The following CFAP47 variants were observed in gnomAD, a reference collection of about 807,000 sequenced individuals.
CFAP47 encodes cilia- and flagella-associated protein 47.
A neutral mutation model predicts 148.1 loss-of-function variants in CFAP47; 29 were observed. That is an observed-to-expected ratio of 0.20 (90% CI 0.15 to 0.27). The LOEUF (loss-of-function observed/expected upper bound fraction) is 0.27. Among genes scored for constraint, CFAP47 ranks in the 10% least tolerant of loss-of-function variants. The pLI is 1.00. For synonymous variants in CFAP47, 664 were observed against 577.3 expected (o/e 1.15, Z -2.15); for missense variants, 1,872 against 1,697.5 (o/e 1.10, Z -1.81).
intron 2 of CFAP47, among the ~76,000 whole-genome samples, chrX:35,934,571 A>G (rs1297205792): frequency 9.0e-6 from 1 of 110,710 alleles, no homozygotes; most frequent in East Asian, 2.9e-4. Flanking sequence ...CCAAGCTGAT[A>G]CCTAAGGTAC....
At chrX:35,928,011 A>G (rs1273065382) in intron 2 of CFAP47, among the ~76,000 whole-genome samples, 1 of 106,479 alleles carries the variant, frequency 9.4e-6, no homozygotes, top group Non-Finnish European at 1.9e-5. Flanking sequence ...ATATATATAT[A>G]TATGTATATA....
intron 2 of CFAP47, among the ~76,000 whole-genome samples, chrX:35,930,896 A>G (rs1935816816): frequency 9.0e-6 from 1 of 111,573 alleles, no homozygotes; most frequent in Admixed American, 9.6e-5. Context: ...TCAGCTTTCT[A>G]TCGTTGACTT....
chrX:36,031,265 C>T lies in CFAP47; in HGVS notation c.3569C>T (p.Pro1190Leu). The change falls in exon 23 of 64, where the codon CCA becomes CTA. Residue 1190 changes from proline (P) to leucine (L), a missense_variant. Physicochemically the swap from Pro to Leu is moderately conservative, Grantham distance 98. Coordinates refer to ENST00000378653, the MANE Select transcript of CFAP47 (RefSeq NM_001304548.2). ...CYVQATALQS[P>L]LNLSSTKFVF... ...GTTCCTCTCACAGCATTGCAATCAC[C>T]ATTGAACTTATCTAGTACTAAGTTT... The T allele has an allele frequency of 3.4e-6, 1 of 291,799 alleles. No individual in the cohort carries two copies. The highest frequency in any genetic ancestry group is 6.0e-6 in the Non-Finnish European group (1 of 166,335). 24.0% of individuals were successfully genotyped at this position (291,799 alleles called of 1,213,427 possible).
chrX:36,042,148 A>T (rs1375764822), intron 25 of CFAP47, among the ~76,000 whole-genome samples: 1 of 111,003 alleles, frequency 9.0e-6, no homozygotes, highest in Non-Finnish European at 1.9e-5. Context: ...AATAAAATAG[A>T]TATTCTTTAA....
chrX:36,353,507 T>A (rs1443099518), intron 59 of CFAP47, 22 bp from the exon 60 acceptor site: 1 of 1,149,830 alleles, frequency 8.7e-7, no homozygotes, highest in African/African-American at 1.8e-5. Context: ...TCAAGTTAAC[T>A]GGAAATATTT....
intron 56 of CFAP47, among the ~76,000 whole-genome samples, chrX:36,317,370 G>A (rs60270668): frequency 0.041 from 4,498 of 110,028 alleles, 219 homozygotes; most frequent in African/African-American, 0.14. Context: ...AGACTTTTTG[G>A]CAGGGAAGTT....
chrX:36,360,959 T>C (rs1220291573), intron 60 of CFAP47, among the ~76,000 whole-genome samples: 2 of 111,999 alleles, frequency 1.8e-5, no homozygotes, highest in Non-Finnish European at 3.8e-5. Context: ...AAGTTTTAAG[T>C]CTATAGGTTT....
chrX:36,299,741 A>G (rs1941279905), intron 52 of CFAP47, among the ~76,000 whole-genome samples: 1 of 111,630 alleles, frequency 9.0e-6, no homozygotes, highest in African/African-American at 3.3e-5. Context: ...AATTCTGCAT[A>G]TAAGTGAAAT....
At chrX:36,285,798 T>A (rs1941126334) in intron 51 of CFAP47, 72 bp downstream of exon 51, 7 of 766,593 alleles carry the variant, frequency 9.1e-6, no homozygotes, top group African/African-American at 2.2e-5. Flanking sequence ...TATAGTAAAT[T>A]ATTTACTATC....
At chrX:36,207,746 A>T (rs1417165480) in intron 45 of CFAP47, among the ~76,000 whole-genome samples, 1 of 110,833 alleles carries the variant, frequency 9.0e-6, no homozygotes, top group Non-Finnish European at 1.9e-5. Flanking sequence ...TTGACTTACA[A>T]TCCCTTCTAC....
At chrX:35,989,751 G>T (rs1936765358) in intron 16 of CFAP47, 2 of 375,804 alleles carry the variant, frequency 5.3e-6, no homozygotes, top group Non-Finnish European at 8.4e-6. Flanking sequence ...GTACAGTCCA[G>T]AGGGCCTTAA....
chrX:36,096,236 T>C (rs1240441992), intron 30 of CFAP47, among the ~76,000 whole-genome samples: 2 of 111,632 alleles, frequency 1.8e-5, no homozygotes, highest in East Asian at 2.8e-4. Flanking sequence ...TTATATATAA[T>C]TGAATGTTTT....
intron 60 of CFAP47, among the ~76,000 whole-genome samples, chrX:36,359,787 G>A (rs1941813449): frequency 9.0e-6 from 1 of 111,116 alleles, no homozygotes; most frequent in Non-Finnish European, 1.9e-5. Context: ...ATCTCGCTCT[G>A]TCACCCAGGC....
chrX:36,070,167 A>G (rs887460498), intron 27 of CFAP47, among the ~76,000 whole-genome samples: 4 of 112,237 alleles, frequency 3.6e-5, no homozygotes, highest in Non-Finnish European at 5.6e-5. Context: ...AACTTAGCAT[A>G]TAATAGCTCA....
At chrX:36,175,786 T>C (rs888227879) in intron 39 of CFAP47, among the ~76,000 whole-genome samples, 3 of 113,339 alleles carry the variant, frequency 2.6e-5, no homozygotes, top group African/African-American at 9.6e-5. Flanking sequence ...AGGTGGAGCC[T>C]ACAGAGGCAG....
intron 3 of CFAP47, among the ~76,000 whole-genome samples, chrX:35,948,079 A>G (rs770214762): frequency 8.9e-6 from 1 of 111,878 alleles, no homozygotes; most frequent in South Asian, 3.7e-4. Context: ...CAAATACACT[A>G]ACACTAATGA....
At chrX:36,024,689 T>C (rs916426022) in intron 22 of CFAP47, among the ~76,000 whole-genome samples, 1 of 111,239 alleles carries the variant, frequency 9.0e-6, no homozygotes, top group African/African-American at 3.3e-5. Context: ...TAGATGTCAG[T>C]TGTGTTTGAT....
intron 46 of CFAP47, among the ~76,000 whole-genome samples, chrX:36,229,326 GTCAA>G (rs1555991991): frequency 8.9e-6 from 1 of 111,907 alleles, no homozygotes; most frequent in Non-Finnish European, 1.9e-5. Context: ...CATGACAAAA[GTCAA>G]TCTGAAGCAC....
intron 60 of CFAP47, among the ~76,000 whole-genome samples, chrX:36,359,238 G>A (rs1221920745): frequency 9.0e-6 from 1 of 111,639 alleles, no homozygotes; most frequent in Non-Finnish European, 1.9e-5. Flanking sequence ...TTTCCCCGAG[G>A]TAAAAATTTA....
Sources: gnomAD v4.1 joint callset for allele counts (sites outside exome capture counted in the v4.1 genomes callset) on GRCh38, gnomAD v4.1.1 for gene constraint, MANE v1.5 for transcripts, NCBI Gene and HGNC (gene_info 2026-07-23, HGNC 2026-07-21) for gene names.